SLCO1C1: variants seen among roughly 807,000 people sequenced by gnomAD.
SLCO1C1 encodes the protein OAT-RP-5.
Under a neutral mutation model 76.4 loss-of-function variants are expected in SLCO1C1, and 70 were observed. The ratio of observed to expected loss-of-function variants is 0.92; its 90% CI spans 0.76 to 1.12. The LOEUF (loss-of-function observed/expected upper bound fraction) is 1.12, where lower values mean the gene tolerates loss of function less well. Among genes scored for constraint, SLCO1C1 ranks in the 50% most tolerant of loss-of-function variants. SLCO1C1 has a pLI of 0.00. For synonymous variants in SLCO1C1, 306 were observed against 286.1 expected (o/e 1.07, Z -0.70); for missense variants, 912 against 823.8 (o/e 1.11, Z -1.31).
intron 3 of SLCO1C1, among the ~76,000 whole-genome samples, chr12:20,703,864 ATTGTCC>A (rs1242287364): frequency 6.6e-6 from 1 of 151,086 alleles, no homozygotes; most frequent in Non-Finnish European, 1.5e-5. Context: ...CTTTTCTTAT[ATTGTCC>A]TTGTCCAGTT....
chr12:20,741,202 G>A (rs1436223893), intron 12 of SLCO1C1, among the ~76,000 whole-genome samples: 1 of 151,986 alleles, frequency 6.6e-6, no homozygotes, highest in Non-Finnish European at 1.5e-5. Context: ...CCTCCCAAGA[G>A]GTCCCTCTCC....
At position 20,737,283 on chromosome 12, in the gene SLCO1C1, A is replaced by C; in HGVS notation, c.1548+11A>C. On this transcript the variant is annotated intron_variant, in intron 11 of 14. Coordinates refer to ENST00000266509, the MANE Select transcript of SLCO1C1 (RefSeq NM_017435.5). Reference sequence around the variant, plus strand: ...AGTGGAAAAAATATTGTAAGAAATCACCTCTCAAGTATATGGCGATGGTCC... The same window carrying C: ...AGTGGAAAAAATATTGTAAGAAATCCCCTCTCAAGTATATGGCGATGGTCC... The C allele has an allele frequency of 3.2e-6, 5 of 1,551,670 alleles. No homozygotes were observed. Among genetic ancestry groups the C allele is most frequent in the Non-Finnish European group, 4.3e-6 (5 of 1,158,232 alleles).
chr12:20,701,369 G>T lies in SLCO1C1; in HGVS notation c.181G>T (p.Gly61Cys). The T allele has an allele frequency of 6.5e-7, 1 of 1,546,026 alleles. No homozygotes were observed. Among genetic ancestry groups the T allele is most frequent in the Non-Finnish European group, 8.8e-7 (1 of 1,131,896 alleles). Reference sequence around the variant, plus strand: ...TTACTTTGCCAAAGCATTGGCAGAAGGCTATCTGAAGAGCACCATCACTCA... The same window carrying T: ...TTACTTTGCCAAAGCATTGGCAGAATGCTATCTGAAGAGCACCATCACTCA... ...FVYFAKALAE[G>C]YLKSTITQIE... The change falls in exon 3 of 15, where the codon GGC (glycine) becomes TGC (cysteine). Residue 61 changes from glycine (G) to cysteine (C), a missense_variant. Transcript: ENST00000266509.
intron 3 of SLCO1C1, among the ~76,000 whole-genome samples, chr12:20,702,347 A>G (rs1946565872): frequency 6.6e-6 from 1 of 151,986 alleles, no homozygotes; most frequent in Admixed American, 6.6e-5. Flanking sequence ...ATCACAGAAA[A>G]AATAAAATGA....
At chr12:20,715,114 T>A (rs1173258206) in intron 5 of SLCO1C1, 25 bp from the exon 6 acceptor site, 5 of 1,613,312 alleles carry the variant, frequency 3.1e-6, no homozygotes, top group African/African-American at 1.3e-5. Flanking sequence ...CTATTTTCAA[T>A]CCTCTGGTTT....
At chr12:20,714,977 TA>T (rs1485621534) in intron 5 of SLCO1C1, among the ~76,000 whole-genome samples, 161 bp from the exon 6 acceptor site, 2 of 152,188 alleles carry the variant, frequency 1.3e-5, no homozygotes, top group African/African-American at 4.8e-5. Flanking sequence ...GTTGAAGGTA[TA>T]AAACATTTTT....
At chr12:20,725,210 A>T (rs1312613412) in intron 9 of SLCO1C1, among the ~76,000 whole-genome samples, 2 of 137,462 alleles carry the variant, frequency 1.5e-5, no homozygotes, top group Non-Finnish European at 3.0e-5. Flanking sequence ...ATAGTATTTT[A>T]AATAATTATA....
rs960893507 is a variant in SLCO1C1, at chr12:20,711,460, G to T, written c.479G>T (p.Ser160Ile). Residue 160 changes from serine to isoleucine, a missense_variant, in exon 5 of 15, where the codon AGT (serine) becomes ATT (isoleucine). By Grantham distance (142) the Ser-to-Ile change is moderately radical. Transcript: ENST00000266509. ...TCTCCGTGTCTCCTAGAGTCAAGCA[G>T]TCAATTACCAGTTTCAGTTATGGAA... ...SISPCLLESS[S>I]QLPVSVMEKS... 2.5e-6 allele frequency: 4 copies of T among 1,613,932 alleles called. No individual in the cohort carries two copies. Among genetic ancestry groups the T allele is most frequent in the Non-Finnish European group, 3.4e-6 (4 of 1,179,938 alleles).
chr12:20,718,084 A>AGGTGC (rs1947472477), intron 7 of SLCO1C1, among the ~76,000 whole-genome samples: 1 of 152,158 alleles, frequency 6.6e-6, no homozygotes, highest in Non-Finnish European at 1.5e-5. Flanking sequence ...ACTTTATGCC[A>AGGTGC]GGTGCTATTC....
At chr12:20,734,720 C>A (rs925692037) in intron 10 of SLCO1C1, among the ~76,000 whole-genome samples, 3 of 152,114 alleles carry the variant, frequency 2.0e-5, no homozygotes, top group African/African-American at 7.2e-5. Context: ...TAAAAGTATT[C>A]CTACATAATC....
rs574408290 is a variant in SLCO1C1, at chr12:20,699,719, G to A, written c.129+14G>A. On this transcript the variant is annotated intron_variant, in intron 2 of 14. Transcript: ENST00000266509. ...GGTGAACTAAAGGTAGAGCAACCAAGAAGTAAATAGTGTTGATGCTCTTAG... is the reference window on the plus strand; with the variant it reads ...GGTGAACTAAAGGTAGAGCAACCAAAAAGTAAATAGTGTTGATGCTCTTAG... The A allele has an allele frequency of 1.2e-6, 2 of 1,600,458 alleles. No individual in the cohort carries two copies. The highest frequency in any genetic ancestry group is 1.7e-5 in the Admixed American group (1 of 57,458).
At chr12:20,731,443 G>A (rs553542717) in intron 9 of SLCO1C1, among the ~76,000 whole-genome samples, 1 of 152,348 alleles carries the variant, frequency 6.6e-6, no homozygotes, top group African/African-American at 2.4e-5. Flanking sequence ...ATCACTAGAT[G>A]TCAGTGTTTT....
At chr12:20,699,782 A>G (rs1371822876) in intron 2 of SLCO1C1, 77 bp downstream of exon 2, 3 of 1,407,270 alleles carry the variant, frequency 2.1e-6, no homozygotes, top group Non-Finnish European at 2.8e-6. Context: ...TGAAGTTAGA[A>G]TGAGAATTGT....
At chr12:20,704,067 T>C (rs1035039134) in intron 3 of SLCO1C1, among the ~76,000 whole-genome samples, 1 of 151,564 alleles carries the variant, frequency 6.6e-6, no homozygotes, top group Non-Finnish European at 1.5e-5. Context: ...AAACTTTCTG[T>C]ACCTGTTTTT....
chr12:20,704,280 T>A (rs1428729851), intron 3 of SLCO1C1, among the ~76,000 whole-genome samples: 1 of 151,584 alleles, frequency 6.6e-6, no homozygotes, highest in Non-Finnish European at 1.5e-5. Context: ...ACTGAACTCA[T>A]ATTGTCTTGT....
chr12:20,708,155 A>G (rs1258871822), intron 4 of SLCO1C1, among the ~76,000 whole-genome samples: 2 of 152,178 alleles, frequency 1.3e-5, no homozygotes, highest in Non-Finnish European at 2.9e-5. Flanking sequence ...TCTCTAAGAG[A>G]TAACTATGCT....
chr12:20,743,067 C>T (rs951303481), intron 12 of SLCO1C1, among the ~76,000 whole-genome samples: 1 of 152,074 alleles, frequency 6.6e-6, no homozygotes, highest in Non-Finnish European at 1.5e-5. Flanking sequence ...TTGAATATGG[C>T]ATGTATGGGT....
intron 14 of SLCO1C1, among the ~76,000 whole-genome samples, chr12:20,751,526 C>T (rs1227512933): frequency 6.6e-6 from 1 of 152,122 alleles, no homozygotes; most frequent in Non-Finnish European, 1.5e-5. Context: ...GAATTGGGCA[C>T]ACCATTTTGA....
chr12:20,725,610 ATAGT>A (rs1291595758), intron 9 of SLCO1C1, among the ~76,000 whole-genome samples: 1 of 148,140 alleles, frequency 6.8e-6, no homozygotes, highest in African/African-American at 2.5e-5. Context: ...CTTTTAACTA[ATAGT>A]TATTTATAAT....
Sources: gnomAD v4.1 joint callset for allele counts (sites outside exome capture counted in the v4.1 genomes callset) on GRCh38, gnomAD v4.1.1 for gene constraint, MANE v1.5 for transcripts, NCBI Gene and HGNC (gene_info 2026-07-23, HGNC 2026-07-21) for gene names.